Variants in NRXN3 observed in about 807,000 individuals in gnomAD.
NRXN3 encodes neurexin 3, also known as neurexin III.
Under a neutral mutation model 137.6 loss-of-function variants are expected in NRXN3, and 32 were observed. The observed-to-expected ratio is 0.23, with a 90% CI of 0.18 to 0.31. NRXN3 has a LOEUF of 0.31. Among genes scored for constraint, NRXN3 ranks in the 10% least tolerant of loss-of-function variants. NRXN3 has a pLI of 1.00. For synonymous variants in NRXN3, 798 were observed against 784.5 expected (o/e 1.02, Z -0.29); for missense variants, 1,574 against 2,062.5 (o/e 0.76, Z 4.59).
intron 15 of NRXN3, among the ~76,000 whole-genome samples, chr14:79,289,596 G>A (rs577508674): frequency 6.6e-6 from 1 of 152,152 alleles, no homozygotes; most frequent in South Asian, 2.1e-4. Flanking sequence ...CTCCAGCCTG[G>A]GTGATGAGAG....
At chr14:78,473,491 T>A (rs893257126) in intron 4 of NRXN3, among the ~76,000 whole-genome samples, 1 of 152,180 alleles carries the variant, frequency 6.6e-6, no homozygotes, top group African/African-American at 2.4e-5. Context: ...AGTAACTTTA[T>A]CTGGGATACC....
chr14:79,348,504 T>C (rs2093021838), intron 15 of NRXN3, among the ~76,000 whole-genome samples: 1 of 151,732 alleles, frequency 6.6e-6, no homozygotes, highest in Admixed American at 6.6e-5. Flanking sequence ...GCCTCCTGAG[T>C]AGCTGGGACT....
At chr14:79,045,191 G>A (rs577296393) in intron 15 of NRXN3, among the ~76,000 whole-genome samples, 244 of 152,164 alleles carry the variant, frequency 1.6e-3, no homozygotes, top group African/African-American at 5.7e-3. Context: ...CCTTGAGGGG[G>A]CACCGGCTCA....
intron 4 of NRXN3, among the ~76,000 whole-genome samples, chr14:78,545,148 G>A (rs577698596): frequency 2.0e-5 from 3 of 152,256 alleles, no homozygotes; most frequent in South Asian, 2.1e-4. Flanking sequence ...TAGAAGGAAG[G>A]TGGACAGTCT....
intron 10 of NRXN3, among the ~76,000 whole-genome samples, chr14:78,856,128 A>G (rs2099056398): frequency 6.6e-6 from 1 of 152,170 alleles, no homozygotes; most frequent in African/African-American, 2.4e-5. Context: ...CTCCAACCTC[A>G]GTATGCCTAC....
At chr14:79,061,414 T>G (rs1158683715) in intron 15 of NRXN3, among the ~76,000 whole-genome samples, 3 of 152,090 alleles carry the variant, frequency 2.0e-5, no homozygotes, top group African/African-American at 7.2e-5. Flanking sequence ...GGGGCAGAGT[T>G]AACCAGGAAG....
intron 16 of NRXN3, among the ~76,000 whole-genome samples, chr14:79,593,518 G>C (rs998344175): frequency 1.3e-5 from 2 of 151,228 alleles, no homozygotes; most frequent in African/African-American, 4.9e-5. Context: ...GTAGTCCCAG[G>C]TACTCGGGAG....
At chr14:79,791,181 C>A (rs1457949257) in intron 19 of NRXN3, 1 of 152,096 alleles carries the variant, frequency 6.6e-6, no homozygotes, top group African/African-American at 2.4e-5. Flanking sequence ...CCAAGTCCCA[C>A]CCCTGGGTAT....
intron 19 of NRXN3, among the ~76,000 whole-genome samples, chr14:79,795,186 T>C (rs1014899625): frequency 6.6e-6 from 1 of 152,208 alleles, no homozygotes. Flanking sequence ...ACAATTCATC[T>C]CATCTCTTTC....
At chr14:79,242,601 T>C (rs1394837972) in intron 15 of NRXN3, among the ~76,000 whole-genome samples, 1 of 152,120 alleles carries the variant, frequency 6.6e-6, no homozygotes, top group Non-Finnish European at 1.5e-5. Flanking sequence ...TCATGCCCTC[T>C]CCAGAGGTAA....
intron 3 of NRXN3, among the ~76,000 whole-genome samples, chr14:78,293,983 A>G (rs1007383723): frequency 6.6e-6 from 1 of 152,222 alleles, no homozygotes; most frequent in Non-Finnish European, 1.5e-5. Context: ...GCTACCTGGA[A>G]TGTCCTCCAT....
intron 4 of NRXN3, chr14:78,526,805 TAA>T: frequency 1.9e-6 from 1 of 514,770 alleles, no homozygotes. Flanking sequence ...CAGCGATGAA[TAA>T]AGTCTGTGGA....
chr14:79,717,295 C>G lies in NRXN3; in HGVS notation c.4014+19358C>G, dbSNP rs987398872. Among the ~76,000 whole-genome samples, 5 of 152,224 alleles carry G rather than the reference C, an allele frequency of 3.3e-5. No individual in the cohort carries two copies. The East Asian group carries it at 7.7e-4, about 23-fold the overall frequency. ...CATGCTGACTCCAAAAGAACCTTTT[C>G]TCTGCCTTTTTGATGGAGTAGTCCC... On this transcript the variant is annotated intron_variant, in intron 19 of 20. Coordinates refer to ENST00000335750, the MANE Select transcript of NRXN3 (RefSeq NM_001330195.2).
chr14:79,720,535 T>G (rs984114211), intron 19 of NRXN3, among the ~76,000 whole-genome samples: 4 of 152,094 alleles, frequency 2.6e-5, no homozygotes, highest in Non-Finnish European at 4.4e-5. Context: ...CAATCAGCGG[T>G]TGGCTTCCTA....
At chr14:79,834,634 T>C (rs1197141454) in intron 20 of NRXN3, among the ~76,000 whole-genome samples, 1 of 152,100 alleles carries the variant, frequency 6.6e-6, no homozygotes, top group Non-Finnish European at 1.5e-5. Flanking sequence ...AGTGAAATAT[T>C]TGCCGAGAGC....
chr14:79,228,582 A>G (rs2071515739), intron 15 of NRXN3, among the ~76,000 whole-genome samples: 1 of 152,148 alleles, frequency 6.6e-6, no homozygotes, highest in African/African-American at 2.4e-5. Context: ...TGGTAGGTAA[A>G]GATAATTAAA....
intron 16 of NRXN3, among the ~76,000 whole-genome samples, chr14:79,573,355 G>C (rs922858758): frequency 3.9e-5 from 6 of 152,166 alleles, no homozygotes; most frequent in Admixed American, 1.3e-4. Flanking sequence ...GGTGGGAGGT[G>C]GGGGGACGGG....
At chr14:79,643,677 T>C (rs2098442406) in intron 16 of NRXN3, among the ~76,000 whole-genome samples, 1 of 134,870 alleles carries the variant, frequency 7.4e-6, no homozygotes, top group African/African-American at 2.5e-5. Flanking sequence ...GACTTCATTT[T>C]TCTTTTAATT....
chr14:79,705,941 G>A (rs1003379523), intron 19 of NRXN3, among the ~76,000 whole-genome samples: 15 of 152,104 alleles, frequency 9.9e-5, no homozygotes, highest in African/African-American at 3.4e-4. Flanking sequence ...GAACAGTAGC[G>A]AGCACAGAGT....
Sources: allele counts gnomAD v4.1 joint callset (sites outside exome capture counted in the v4.1 genomes callset), GRCh38; gene constraint gnomAD v4.1.1; transcripts MANE v1.5; gene names NCBI Gene and HGNC (gene_info 2026-07-23, HGNC 2026-07-21).